TMEM217: variants seen among roughly 807,000 people sequenced by gnomAD.
TMEM217 encodes chromosome 6 open reading frame 128.
For missense variants in TMEM217, 204 were observed against 248.8 expected, an observed-to-expected ratio of 0.82 and a Z score of 1.21; for synonymous variants, 76 against 88.3, an observed-to-expected ratio of 0.86 and a Z score of 0.78.
chr6:37,247,162 C>A lies in TMEM217; in HGVS notation c.-12+10406G>T, dbSNP rs564744072. On this transcript the variant is annotated intron_variant, in intron 1 of 1. Transcript: ENST00000357219. ...GGCCTTAGAAGTCTACTATGATAGA[C>A]CCCTGCTGCAGTATCTTTTGTCCCT... Among the ~76,000 whole-genome samples, 23 of 152,204 alleles carry A rather than the reference C, an allele frequency of 1.5e-4. 1 individual carries two copies. The East Asian group carries it at 4.4e-3, about 29-fold the overall frequency.
At chr6:37,212,426 T>G (rs949523916) in exon 4 of TMEM217, 3 of 416,350 alleles carry the variant, frequency 7.2e-6, no homozygotes, top group Non-Finnish European at 1.5e-5. Flanking sequence ...CAGTTTAACT[T>G]CCGGTACAAC....
chr6:37,257,667 ACCGGTCGG>A lies in TMEM217; in HGVS notation c.-119_-112del. 1 of 521,162 alleles carries A rather than the reference ACCGGTCGG, an allele frequency of 1.9e-6. No individual in the cohort carries two copies. Among genetic ancestry groups the A allele is most frequent in the Non-Finnish European group, 3.4e-6 (1 of 293,026 alleles). 32.3% of individuals were successfully genotyped at this position (521,162 alleles called of 1,614,324 possible). The stretch of plus-strand genomic sequence containing the variant: ...ACCTGTGTGCCCAGCCCCTGACGTT[ACCGGTCGG>A]CTTCAGCGGCCTGCAGGATTCCGGC... On this transcript the variant is annotated 5_prime_UTR_variant, in exon 1 of 2. The change abolishes the stop of an existing upstream ORF in the 5' untranslated region. Transcript: ENST00000357219.
In TMEM217 at chr6:37,252,743, G is replaced by A. The variant is rs1176952510; in HGVS notation, c.-12+4825C>T. Among the ~76,000 whole-genome samples, 15 of 149,230 alleles carry A rather than the reference G, an allele frequency of 1.0e-4. No homozygotes were observed. In the Admixed American group the frequency reaches 1.0e-3, roughly 10 times the overall value. On this transcript the variant is annotated intron_variant, in intron 1 of 1. Transcript: ENST00000357219. The stretch of plus-strand genomic sequence containing the variant: ...CAACCCCCGCCTCCTGGGCTCAAGT[G>A]ATCCTCCCACCTCAGCCTCTGAGTA...
chr6:37,226,281 CTTTTTTTTTTTTTTTTT>C (rs755752365), intron 1 of TMEM217, among the ~76,000 whole-genome samples: 6 of 74,876 alleles, frequency 8.0e-5, no homozygotes, highest in Admixed American at 3.1e-4. Context: ...TTGAGACAGT[CTTTTTTTTTTTTTTTTT>C]TTTTTTTTTT....
At chr6:37,233,180 T>A (rs1271887096) in intron 1 of TMEM217, among the ~76,000 whole-genome samples, 2 of 151,968 alleles carry the variant, frequency 1.3e-5, no homozygotes, top group African/African-American at 4.8e-5. Context: ...CTGGTCTTTC[T>A]TATTTAAGTA....
At chr6:37,249,173 G>A (rs112566731) in intron 1 of TMEM217, among the ~76,000 whole-genome samples, 59 of 152,266 alleles carry the variant, frequency 3.9e-4, no homozygotes, top group African/African-American at 1.3e-3. Flanking sequence ...AACATCCACA[G>A]GTTCCAGGGA....
intron 1 of TMEM217, among the ~76,000 whole-genome samples, chr6:37,229,341 T>TTTG (rs1396801712): frequency 8.0e-6 from 1 of 124,800 alleles, no homozygotes; most frequent in Non-Finnish European, 1.7e-5. Context: ...TTCAGTTTTT[T>TTTG]TTTTTTTTTT....
chr6:37,218,973 C>A lies in TMEM217; in HGVS notation c.58G>T (p.Val20Phe), dbSNP rs200392924. Reference sequence around the variant, plus strand: ...ATGTCTACGGCCATGATGGTGAAGACCCCTGACAACACGGTGCCCATTTTG... The same window carrying A: ...ATGTCTACGGCCATGATGGTGAAGAACCCTGACAACACGGTGCCCATTTTG... The change falls in exon 2 of 2, where the codon GTC becomes TTC. Residue 20 changes from valine (V) to phenylalanine (F), a missense_variant. Coordinates refer to ENST00000357219, the Ensembl canonical transcript of TMEM217. The A allele has an allele frequency of 1.1e-4, 182 of 1,614,160 alleles. No homozygotes were observed. Among genetic ancestry groups the A allele is most frequent in the Non-Finnish European group, 1.4e-4 (170 of 1,180,036 alleles).
chr6:37,235,826 T>C (rs149894934), intron 1 of TMEM217, among the ~76,000 whole-genome samples: 1 of 152,316 alleles, frequency 6.6e-6, no homozygotes, highest in East Asian at 1.9e-4. Flanking sequence ...TAGTTCCCTC[T>C]AGTCCTTTTA....
intron 1 of TMEM217, among the ~76,000 whole-genome samples, chr6:37,247,803 A>G (rs1765179984): frequency 6.6e-6 from 1 of 152,066 alleles, no homozygotes; most frequent in South Asian, 2.1e-4. Flanking sequence ...GTGTTTACCA[A>G]CTCCTGAGAG....
intron 1 of TMEM217, among the ~76,000 whole-genome samples, chr6:37,252,363 T>C (rs891867179): frequency 2.0e-5 from 3 of 151,988 alleles, no homozygotes; most frequent in Non-Finnish European, 2.9e-5. Flanking sequence ...CAGAGATGAA[T>C]AGCTGCAAGA....
chr6:37,252,635 ATAT>A (rs1562027951), intron 1 of TMEM217, among the ~76,000 whole-genome samples: 1 of 60,384 alleles, frequency 1.7e-5, no homozygotes. Context: ...ATATATATAT[ATAT>A]TTTTTTTTTT....
intron 1 of TMEM217, among the ~76,000 whole-genome samples, chr6:37,247,273 T>C (rs975504774): frequency 1.3e-5 from 2 of 152,102 alleles, no homozygotes; most frequent in African/African-American, 4.8e-5. Context: ...AAGCTGACCC[T>C]GAGACAAGGA....
downstream of TMEM217, chr6:37,212,775 G>A (rs1181583321): frequency 1.4e-6 from 1 of 705,142 alleles, no homozygotes; most frequent in East Asian, 2.7e-5. Context: ...TGATGGTGGT[G>A]AGGGAGAGGC....
chr6:37,215,104 G>A (rs78540735), downstream of TMEM217: 19,423 of 1,524,104 alleles, frequency 0.013, 803 homozygotes, highest in African/African-American at 0.14. Flanking sequence ...TCCACCCTCG[G>A]CACCTCTCTC....
At chr6:37,234,073 A>C (rs1764350941) in intron 1 of TMEM217, among the ~76,000 whole-genome samples, 1 of 149,738 alleles carries the variant, frequency 6.7e-6, no homozygotes, top group Non-Finnish European at 1.5e-5. Context: ...CTAAGTTATG[A>C]TGTTTGGTAG....
intron 1 of TMEM217, among the ~76,000 whole-genome samples, chr6:37,235,396 T>A (rs868392676): frequency 1.3e-5 from 2 of 152,114 alleles, no homozygotes; most frequent in Non-Finnish European, 2.9e-5. Flanking sequence ...GACAGAGTCT[T>A]GCTCTGTCGC....
chr6:37,238,167 G>GA (rs66991206), intron 1 of TMEM217, among the ~76,000 whole-genome samples: 124,909 of 148,434 alleles, frequency 0.84, 52,765 homozygotes, highest in Middle Eastern at 0.92. Context: ...TAAAAACACT[G>GA]AAAAAAAAAA....
chr6:37,224,237 C>T (rs139647852), intron 1 of TMEM217, among the ~76,000 whole-genome samples: 1 of 151,794 alleles, frequency 6.6e-6, no homozygotes, highest in East Asian at 2.0e-4. Flanking sequence ...CCGCGCCCGG[C>T]CTCTGCCTCA....
Sources: gnomAD v4.1 joint callset for allele counts (sites outside exome capture counted in the v4.1 genomes callset) on GRCh38, gnomAD v4.1.1 for gene constraint, MANE v1.5 for transcripts, NCBI Gene and HGNC (gene_info 2026-07-23, HGNC 2026-07-21) for gene names.